TPRN: variants seen among roughly 807,000 people sequenced by gnomAD.
TPRN encodes chromosome 9 open reading frame 75.
In TPRN, 32 loss-of-function variants were observed where a neutral mutation model predicts 42.6. The observed-to-expected ratio is 0.75, with a 90% confidence interval of 0.57 to 1.01. TPRN has a LOEUF of 1.01. TPRN is among the 50% of genes least tolerant of loss of function. The pLI, the probability that TPRN is intolerant of heterozygous loss-of-function variation, is 0.00. For synonymous variants in TPRN, 541 were observed against 445.6 expected (o/e 1.21, Z -2.70); for missense variants, 1,095 against 957.5 (o/e 1.14, Z -1.90).
At position 137,192,189 on chromosome 9, in the gene TPRN, A is replaced by G. The variant is rs1291915224; in HGVS notation, c.2074-15T>C. 6.2e-7 allele frequency: 1 copy of G among 1,613,420 alleles called. No individual in the cohort carries two copies. Among genetic ancestry groups the G allele is most frequent in the African/African-American group, 1.3e-5 (1 of 75,022 alleles). On this transcript the variant is annotated splice_polypyrimidine_tract_variant and intron_variant, in intron 3 of 3. Coordinates refer to ENST00000409012, the MANE Select transcript of TPRN (RefSeq NM_001128228.3). ...GCGGGTGTGAGCTGAAAGTGAGAGG[A>G]CAGAATGTGGACACATGGGCTCGCC...
intron 1 of TPRN, among the ~76,000 whole-genome samples, chr9:137,198,385 G>C (rs1355529242): frequency 6.6e-6 from 1 of 152,364 alleles, no homozygotes; most frequent in East Asian, 1.9e-4. Context: ...TCCCCAGCAA[G>C]CTTCCCAGGC....
chr9:137,197,598 A>G (rs1834724472), intron 1 of TPRN, among the ~76,000 whole-genome samples: 4 of 152,182 alleles, frequency 2.6e-5, no homozygotes, highest in Non-Finnish European at 5.9e-5. Flanking sequence ...TTCTCTCTAC[A>G]AAGGGGGAGC....
chr9:137,194,052 TCA>T (rs1460248052), intron 1 of TPRN: 2 of 152,200 alleles, frequency 1.3e-5, no homozygotes, highest in Non-Finnish European at 2.9e-5. Context: ...TCAGCACAGC[TCA>T]CACAGAGCCC....
At chr9:137,197,770 C>T (rs1017031608) in intron 1 of TPRN, among the ~76,000 whole-genome samples, 6 of 152,130 alleles carry the variant, frequency 3.9e-5, no homozygotes, top group Admixed American at 2.0e-4. Context: ...GGGTGATGCT[C>T]GGGCGAGGGT....
chr9:137,192,277 G>T lies in TPRN; in HGVS notation c.2055C>A (p.Pro685=). 6.2e-7 allele frequency: 1 copy of T among 1,613,076 alleles called. No homozygotes were observed. Among genetic ancestry groups the T allele is most frequent in the Non-Finnish European group, 8.5e-7 (1 of 1,180,016 alleles). ...ALEQAPREAE[P]PPVEAMLTPA... is the part of the protein sequence containing the mutation. ...ATCTCACCATGGCCTCCACGGGCGG[G>T]GGCTCTGCCTCCCTCGGGGCCTGCT... Residue 685 remains proline, a synonymous_variant, in exon 3 of 4, where the codon CCC becomes CCA. Transcript: ENST00000409012.
chr9:137,192,794 C>T (rs577478464), intron 1 of TPRN, 103 bp from the exon 2 acceptor site: 20 of 1,289,040 alleles, frequency 1.6e-5, no homozygotes, highest in Admixed American at 8.7e-5. Context: ...CCAAGTGGGG[C>T]GCCAGACACA....
Position 137,192,031 on chromosome 9 carries a change from C to G in TPRN, c.*81G>C. ...ACAGTGAGGCCAAACAAGGCAGAAG[C>G]GGGTGCAGTAGTCCCTGGCTACTGC... On this transcript the variant is annotated 3_prime_UTR_variant, in exon 4 of 4. Transcript: ENST00000409012. The G allele has an allele frequency of 3.2e-6, 5 of 1,544,384 alleles. No homozygotes were observed. The South Asian group carries it at 4.5e-5, about 14-fold the overall frequency.
Position 137,192,476 on chromosome 9 carries a change from G to A in TPRN, c.1941C>T (p.Ser647=). 6.2e-7 allele frequency: 1 copy of A among 1,606,246 alleles called. No individual in the cohort carries two copies. The highest frequency in any genetic ancestry group is 8.5e-7 in the Non-Finnish European group (1 of 1,176,760). ...ATFVSSVRPE[S]SRLPEGSSGL... ...CTGAGCTACCCTCTGGCAGCCGAGAGCTCTCGGGTCTCACGCTGCTCACAA... is the reference window on the plus strand; with the variant it reads ...CTGAGCTACCCTCTGGCAGCCGAGAACTCTCGGGTCTCACGCTGCTCACAA... Residue 647 remains serine, a synonymous_variant, in exon 2 of 4, where the codon AGC becomes AGT. Coordinates refer to ENST00000409012, the MANE Select transcript of TPRN (RefSeq NM_001128228.3).
Position 137,200,486 on chromosome 9 carries a change from C to G in TPRN, c.226G>C (p.Gly76Arg), listed in dbSNP as rs1330155596. The change falls in exon 1 of 4, where the codon GGG (glycine) becomes CGG (arginine). Residue 76 changes from glycine to arginine, a missense_variant. Transcript: ENST00000409012. This position sits in a 1 kb window ranked among gnomAD's most constrained non-coding sequence, Gnocchi z 4.3. Reference protein sequence around the residue: ...AERRRGGGAAGARLLERYRRV... With the variant: ...AERRRGGGAARARLLERYRRV... ...CGGTACCGCTCCAGCAGCCGCGCCC[C>G]CGCCGCGCCCCCGCCGCGCCGCCGC... 8.8e-7 allele frequency: 1 copy of G among 1,130,150 alleles called. No homozygotes were observed. The highest frequency in any genetic ancestry group is 2.9e-5 in the South Asian group (1 of 34,360). 70.0% of individuals were successfully genotyped at this position (1,130,150 alleles called of 1,614,324 possible).
At position 137,192,261 on chromosome 9, in the gene TPRN, T is replaced by A; in HGVS notation, c.2071A>T (p.Met691Leu). The change falls in exon 3 of 4, where the codon ATG becomes TTG. Residue 691 changes from methionine to leucine, a missense_variant and splice_region_variant. Met to Leu is a conservative substitution (Grantham distance 15). Transcript: ENST00000409012. ...CGCTCCACTCCCCCGCATCTCACCA[T>A]GGCCTCCACGGGCGGGGGCTCTGCC... ...REAEPPPVEA[M>L]LTPASQNDLS... is the part of the protein sequence containing the mutation. 1 of 1,613,100 alleles carries A rather than the reference T, an allele frequency of 6.2e-7. No homozygotes were observed. Among genetic ancestry groups the A allele is most frequent in the Non-Finnish European group, 8.5e-7 (1 of 1,180,002 alleles).
In TPRN at chr9:137,199,452, G is replaced by C. The variant is rs775715088; in HGVS notation, c.1260C>G (p.Pro420=). The change falls in exon 1 of 4, where the codon CCC becomes CCG. Residue 420 remains proline (P), a synonymous_variant. Transcript: ENST00000409012. ...CTTCCGAAGCAGCCGGCAGGAAGGG[G>C]GGCGGTGAGGACGGCCTCTGCCACC... ...AIRWQRPSSP[P]PFLPAASEEA... is the part of the protein sequence containing the mutation. 3 of 1,606,868 alleles carry C rather than the reference G, an allele frequency of 1.9e-6. No individual in the cohort carries two copies. Among genetic ancestry groups the C allele is most frequent in the African/African-American group, 1.3e-5 (1 of 74,828 alleles).
intron 1 of TPRN, among the ~76,000 whole-genome samples, chr9:137,197,693 G>C (rs1260956845): frequency 6.6e-6 from 1 of 152,310 alleles, no homozygotes; most frequent in East Asian, 1.9e-4. Flanking sequence ...CGCAGGGGAG[G>C]GAGAGGCAGA....
Position 137,200,540 on chromosome 9 carries a change from C to A in TPRN, c.172G>T (p.Glu58Ter). 8.6e-7 allele frequency: 1 copy of A among 1,168,318 alleles called. No homozygotes were observed. Among genetic ancestry groups the A allele is most frequent in the Non-Finnish European group, 1.1e-6 (1 of 947,414 alleles). The allele number at this position is 1,168,318 out of a possible 1,614,324, so 72.4% of individuals were successfully genotyped here. A position where few individuals can be genotyped will look rare whatever the true frequency, so the allele number is the denominator to read the frequency against. Residue 58 changes from glutamate (E) to a stop codon, truncating the protein, a stop_gained, in exon 1 of 4, where the codon GAG (glutamate) becomes TAG (stop). Coordinates refer to ENST00000409012, the MANE Select transcript of TPRN (RefSeq NM_001128228.3). LOFTEE classifies it high-confidence loss of function. The surrounding 1 kb of genome is among the most constrained non-coding windows in gnomAD (Gnocchi z 4.3). ...VLAESLGPLR[E>*]NPFMLLEAER... ...GCCTCCAGCAGCATGAACGGGTTCT[C>A]GCGCAGCGGGCCCAGGCTCTCGGCC...
chr9:137,191,847 C>T lies in TPRN; in HGVS notation c.*265G>A. 3.6e-6 allele frequency: 2 copies of T among 556,922 alleles called. No individual in the cohort carries two copies. The highest frequency in any genetic ancestry group is 6.5e-6 in the Non-Finnish European group (2 of 308,738). 34.5% of individuals were successfully genotyped at this position (556,922 alleles called of 1,614,324 possible). ...AGCCCCCTGCCGGGTCGCAGATGGCCACCACCCAGCAGGCCCCTGGCACTC... is the reference window on the plus strand; with the variant it reads ...AGCCCCCTGCCGGGTCGCAGATGGCTACCACCCAGCAGGCCCCTGGCACTC... On this transcript the variant is annotated 3_prime_UTR_variant, in exon 4 of 4. Coordinates refer to ENST00000409012, the MANE Select transcript of TPRN (RefSeq NM_001128228.3).
In TPRN at chr9:137,200,550, G is replaced by C; in HGVS notation, c.162C>G (p.Gly54=). 8.6e-7 allele frequency: 1 copy of C among 1,161,396 alleles called. No homozygotes were observed. Among genetic ancestry groups the C allele is most frequent in the East Asian group, 4.8e-5 (1 of 21,012 alleles). The allele number at this position is 1,161,396 out of a possible 1,614,324, so 71.9% of individuals were successfully genotyped here. Residue 54 remains glycine, a synonymous_variant, in exon 1 of 4, where the codon GGC becomes GGG. Coordinates refer to ENST00000409012, the MANE Select transcript of TPRN (RefSeq NM_001128228.3). The surrounding 1 kb of genome is among the most constrained non-coding windows in gnomAD (Gnocchi z 4.3). ...GCATGAACGGGTTCTCGCGCAGCGGGCCCAGGCTCTCGGCCAGCACCCGCT... is the reference window on the plus strand; with the variant it reads ...GCATGAACGGGTTCTCGCGCAGCGGCCCCAGGCTCTCGGCCAGCACCCGCT... The part of the protein sequence containing the change: ...PEQRVLAESL[G]PLRENPFMLL...
chr9:137,197,601 G>A (rs1219893782), intron 1 of TPRN, among the ~76,000 whole-genome samples: 1 of 152,218 alleles, frequency 6.6e-6, no homozygotes, highest in Non-Finnish European at 1.5e-5. Flanking sequence ...TCTCTACAAA[G>A]GGGGAGCTGT....
In TPRN at chr9:137,200,049, G is replaced by T. The variant is rs900945572; in HGVS notation, c.663C>A (p.Leu221=). Residue 221 remains leucine, a synonymous_variant, in exon 1 of 4, where the codon CTC becomes CTA. Transcript: ENST00000409012. The surrounding 1 kb of genome is among the most constrained non-coding windows in gnomAD (Gnocchi z 4.3). ...GCTCAGGGGCCGAGTGCCCGTTGGAGAGCAGGCGGGCGCCCGCGCCGCGGT... is the reference window on the plus strand; with the variant it reads ...GCTCAGGGGCCGAGTGCCCGTTGGATAGCAGGCGGGCGCCCGCGCCGCGGT... ...GLHRGAGARL[L]SNGHSAPEPR... The T allele has an allele frequency of 1.3e-5, 19 of 1,435,062 alleles. No homozygotes were observed. In the African/African-American group the frequency reaches 2.7e-4, roughly 21 times the overall value. The allele number at this position is 1,435,062 out of a possible 1,614,324, so 88.9% of individuals were successfully genotyped here. A position where few individuals can be genotyped will look rare whatever the true frequency, so the allele number is the denominator to read the frequency against.
rs1437352190 is a variant in TPRN, at chr9:137,200,735, C to T, written c.-24G>A. The T allele has an allele frequency of 3.6e-6, 4 of 1,108,100 alleles. No individual in the cohort carries two copies. The highest frequency in any genetic ancestry group is 5.5e-5 in the East Asian group (1 of 18,160). 68.6% of individuals were successfully genotyped at this position (1,108,100 alleles called of 1,614,324 possible). ...ATGCTGCGAACGCGGCAGCGGACGG[C>T]TGGACTGAGGGCCGGAGTGGCAGCC... On this transcript the variant is annotated 5_prime_UTR_variant, in exon 1 of 4. Coordinates refer to ENST00000409012, the MANE Select transcript of TPRN (RefSeq NM_001128228.3). This position sits in a 1 kb window ranked among gnomAD's most constrained non-coding sequence, Gnocchi z 4.3.
chr9:137,198,691 CT>C (rs1157228627), intron 1 of TPRN, among the ~76,000 whole-genome samples: 2 of 152,260 alleles, frequency 1.3e-5, no homozygotes, highest in Non-Finnish European at 2.9e-5. Context: ...ACCCGCCCAG[CT>C]AATTCCAGAT....
Sources: allele counts gnomAD v4.1 joint callset (sites outside exome capture counted in the v4.1 genomes callset), GRCh38; gene constraint gnomAD v4.1.1; non-coding constraint Gnocchi (gnomAD v3.1); transcripts MANE v1.5; gene names NCBI Gene and HGNC (gene_info 2026-07-23, HGNC 2026-07-21).